Variants in SHB observed in about 807,000 individuals in gnomAD.
SHB encodes SH2 domain containing adaptor protein B.
Under a neutral mutation model 52.3 loss-of-function variants are expected in SHB, and 20 were observed. The ratio of observed to expected loss-of-function variants is 0.38; its 90% confidence interval spans 0.27 to 0.56. The LOEUF (loss-of-function observed/expected upper bound fraction) is 0.56, where lower values mean the gene tolerates loss of function less well. SHB is among the 20% of genes least tolerant of loss of function. The pLI is 0.71. For synonymous variants in SHB, 397 were observed against 316.5 expected, an observed-to-expected ratio of 1.25 and a Z score of -2.70; for missense variants, 825 against 723.3, an observed-to-expected ratio of 1.14 and a Z score of -1.61.
intron 1 of SHB, among the ~76,000 whole-genome samples, chr9:38,026,703 G>GCCGT (rs1821347505): frequency 6.6e-6 from 1 of 152,212 alleles, no homozygotes; most frequent in Non-Finnish European, 1.5e-5. Context: ...TTTCTCCTGT[G>GCCGT]CCGTCATCTA....
rs1832152426 is a variant in SHB, at chr9:37,919,711, C to G, written c.*110G>C. The G allele has an allele frequency of 3.6e-6, 3 of 832,830 alleles. No homozygotes were observed. Among genetic ancestry groups the G allele is most frequent in the Non-Finnish European group, 5.9e-6 (3 of 505,656 alleles). 51.6% of individuals were successfully genotyped at this position (832,830 alleles called of 1,614,324 possible). A position where few individuals can be genotyped will look rare whatever the true frequency, so the allele number is the denominator to read the frequency against. On this transcript the variant is annotated 3_prime_UTR_variant, in exon 6 of 6. Coordinates refer to ENST00000377707, the MANE Select transcript of SHB (RefSeq NM_003028.3). ...CATGCAGTGGTGTGCTAGTACCATA[C>G]ACACAACACAAACGACACAGCCAGC...
intron 1 of SHB, among the ~76,000 whole-genome samples, chr9:38,041,173 C>A (rs914093776): frequency 6.6e-6 from 1 of 152,290 alleles, no homozygotes; most frequent in East Asian, 1.9e-4. Context: ...CTGAAACAAG[C>A]CTTTCCCCTT....
intron 1 of SHB, among the ~76,000 whole-genome samples, chr9:38,044,449 C>G (rs1226691571): frequency 6.6e-6 from 1 of 152,236 alleles, no homozygotes; most frequent in Non-Finnish European, 1.5e-5. Flanking sequence ...GGAGCTGAAG[C>G]ACTCCTAAGG....
At chr9:38,010,608 C>T (rs547441964) in intron 2 of SHB, among the ~76,000 whole-genome samples, 35 of 152,338 alleles carry the variant, frequency 2.3e-4, no homozygotes, top group Admixed American at 6.5e-4. Context: ...ACCCACTCTA[C>T]TTGGATCACC....
chr9:37,976,237 T>C (rs1307911585), intron 2 of SHB, among the ~76,000 whole-genome samples: 2 of 152,224 alleles, frequency 1.3e-5, no homozygotes, highest in African/African-American at 4.8e-5. Context: ...GGTTTTGCCA[T>C]GTTGGCAAGG....
intron 1 of SHB, among the ~76,000 whole-genome samples, chr9:38,032,073 C>G (rs559701364): frequency 6.6e-6 from 1 of 152,052 alleles, no homozygotes; most frequent in Non-Finnish European, 1.5e-5. Context: ...TGCCAGGGCC[C>G]GAGAACCTCG....
At chr9:38,059,622 C>T (rs949637346) in intron 1 of SHB, among the ~76,000 whole-genome samples, 4 of 152,200 alleles carry the variant, frequency 2.6e-5, no homozygotes, top group African/African-American at 9.7e-5. Flanking sequence ...GGTCCTCTGT[C>T]GATGCTCCTT....
intron 1 of SHB, among the ~76,000 whole-genome samples, chr9:38,062,109 G>A (rs566349841): frequency 6.6e-6 from 1 of 152,298 alleles, no homozygotes; most frequent in South Asian, 2.1e-4. Context: ...TTAAGTAAAG[G>A]GGAGGAGGAG....
At chr9:37,985,791 G>A (rs1291741199) in intron 2 of SHB, among the ~76,000 whole-genome samples, 4 of 152,220 alleles carry the variant, frequency 2.6e-5, no homozygotes, top group Admixed American at 6.5e-5. Flanking sequence ...GCCTCCTAGG[G>A]AACTCATGGC....
intron 1 of SHB, among the ~76,000 whole-genome samples, chr9:38,034,682 A>C (rs1006761264): frequency 2.0e-5 from 3 of 151,946 alleles, no homozygotes; most frequent in Non-Finnish European, 4.4e-5. Flanking sequence ...CTAGTACTTC[A>C]TGTTTTTGGT....
rs528712289 is a variant in SHB, at chr9:38,044,098, G to A, written c.717+23831C>T. Among the ~76,000 whole-genome samples, 6 of 152,304 alleles carry A rather than the reference G, an allele frequency of 3.9e-5. No homozygotes were observed. In the South Asian group the frequency reaches 8.3e-4, roughly 21 times the overall value. On this transcript the variant is annotated intron_variant, in intron 1 of 5. Transcript: ENST00000377707. Reference sequence around the variant, plus strand: ...GCACATAAATTACAGGGAGGAGGCCGGTGGCCAACTGGCTTCAAGGCAGGC... The same window carrying A: ...GCACATAAATTACAGGGAGGAGGCCAGTGGCCAACTGGCTTCAAGGCAGGC...
At chr9:37,923,820 C>CAG (rs1832212410) in intron 5 of SHB, among the ~76,000 whole-genome samples, 2 of 152,286 alleles carry the variant, frequency 1.3e-5, no homozygotes, top group Admixed American at 1.3e-4. Flanking sequence ...AAACTGAGGC[C>CAG]AGAGAGTACA....
chr9:37,982,500 A>G (rs1214257367), intron 2 of SHB, among the ~76,000 whole-genome samples: 1 of 152,058 alleles, frequency 6.6e-6, no homozygotes, highest in Non-Finnish European at 1.5e-5. Context: ...CTCAAAAAAA[A>G]TGGATAAGTA....
At chr9:38,059,570 A>C (rs1392186592) in intron 1 of SHB, among the ~76,000 whole-genome samples, 1 of 152,262 alleles carries the variant, frequency 6.6e-6, no homozygotes, top group African/African-American at 2.4e-5. Flanking sequence ...TTACTGGAAA[A>C]TACCAAACAG....
chr9:38,059,181 C>T (rs1240955959), intron 1 of SHB, among the ~76,000 whole-genome samples: 1 of 152,252 alleles, frequency 6.6e-6, no homozygotes. Flanking sequence ...CCCCTGGGAA[C>T]TCTGGGTCCA....
intron 2 of SHB, among the ~76,000 whole-genome samples, chr9:37,983,950 G>A (rs1055717184): frequency 3.9e-5 from 6 of 152,230 alleles, no homozygotes; most frequent in African/African-American, 1.4e-4. Flanking sequence ...TGTGCTGGGT[G>A]AAAACACCGA....
At chr9:37,948,941 C>T (rs1213979283) in intron 4 of SHB, among the ~76,000 whole-genome samples, 187 bp from the exon 5 acceptor site, 1 of 152,168 alleles carries the variant, frequency 6.6e-6, no homozygotes. Context: ...TGAACAAAAC[C>T]CAGTCTCTTT....
chr9:37,994,882 C>T (rs1283114340), intron 2 of SHB, among the ~76,000 whole-genome samples: 1 of 152,102 alleles, frequency 6.6e-6, no homozygotes, highest in East Asian at 1.9e-4. Context: ...ATATTTTTTA[C>T]ATTCACCCCT....
intron 3 of SHB, among the ~76,000 whole-genome samples, chr9:37,958,389 G>A (rs747607213): frequency 2.0e-5 from 3 of 152,196 alleles, no homozygotes; most frequent in African/African-American, 2.4e-5. Context: ...TGACCTAAGC[G>A]CTGGAAGGAT....
Sources: gnomAD v4.1 joint callset for allele counts (sites outside exome capture counted in the v4.1 genomes callset) on GRCh38, gnomAD v4.1.1 for gene constraint, MANE v1.5 for transcripts, NCBI Gene and HGNC (gene_info 2026-07-23, HGNC 2026-07-21) for gene names.